Variants in ZEB1 observed in about 807,000 individuals in gnomAD.
ZEB1 encodes zinc finger E-box binding homeobox 1.
In ZEB1, 21 loss-of-function variants were observed where a neutral mutation model predicts 84.9. The observed-to-expected ratio is 0.25, with a 90% confidence interval of 0.18 to 0.36. The LOEUF (loss-of-function observed/expected upper bound fraction) is 0.36. Ranked by LOEUF, ZEB1 falls within the 10% of genes least tolerant of loss-of-function variation. The pLI, the probability that ZEB1 is intolerant of heterozygous loss-of-function variation, is 1.00. For synonymous variants in ZEB1, 420 were observed against 471.1 expected (o/e 0.89, Z 1.41); for missense variants, 1,104 against 1,330.2 (o/e 0.83, Z 2.65).
At chr10:31,524,297 C>T (rs1183269455) in intron 8 of ZEB1, among the ~76,000 whole-genome samples, 184 bp downstream of exon 8, 1 of 151,904 alleles carries the variant, frequency 6.6e-6, no homozygotes, top group Non-Finnish European at 1.5e-5. Flanking sequence ...CGGCTCACTG[C>T]AACCTCCGCC....
chr10:31,462,244 A>G (rs1281852528), intron 2 of ZEB1, among the ~76,000 whole-genome samples: 1 of 152,218 alleles, frequency 6.6e-6, no homozygotes, highest in Non-Finnish European at 1.5e-5. Flanking sequence ...ACAATATGAC[A>G]AATCTAATGG....
intron 1 of ZEB1, among the ~76,000 whole-genome samples, chr10:31,449,113 T>G (rs556570277): frequency 6.6e-6 from 1 of 152,360 alleles, no homozygotes; most frequent in Non-Finnish European, 1.5e-5. Context: ...TATAGTCTCA[T>G]GGTGCGCCAT....
chr10:31,465,134 T>G (rs73262027), intron 2 of ZEB1, among the ~76,000 whole-genome samples: 2,356 of 152,212 alleles, frequency 0.015, 56 homozygotes, highest in African/African-American at 0.053. Flanking sequence ...AAAAAAGAAA[T>G]AAATTCAGAA....
At chr10:31,428,392 G>A (rs907342323) in intron 1 of ZEB1, among the ~76,000 whole-genome samples, 1 of 152,150 alleles carries the variant, frequency 6.6e-6, no homozygotes, top group Admixed American at 6.5e-5. Context: ...TCTTAGTCTT[G>A]ATTTTGAATT....
At chr10:31,387,640 A>T in intron 1 of ZEB1, 1 of 596,540 alleles carries the variant, frequency 1.7e-6, no homozygotes, top group South Asian at 7.4e-5. Flanking sequence ...CTAGTGACAT[A>T]ATAGCTTCAG....
At chr10:31,366,186 T>C (rs1022695292) in intron 1 of ZEB1, among the ~76,000 whole-genome samples, 1 of 152,144 alleles carries the variant, frequency 6.6e-6, no homozygotes, top group Non-Finnish European at 1.5e-5. Context: ...TTTTTATAGC[T>C]CTCACTGTCT....
chr10:31,413,585 CA>C (rs1376251025), intron 1 of ZEB1, among the ~76,000 whole-genome samples: 1 of 151,590 alleles, frequency 6.6e-6, no homozygotes, highest in Non-Finnish European at 1.5e-5. Context: ...ATGAGACAAA[CA>C]GATATGAAAG....
At chr10:31,326,309 T>C (rs531460606) in intron 1 of ZEB1, among the ~76,000 whole-genome samples, 1 of 152,294 alleles carries the variant, frequency 6.6e-6, no homozygotes, top group South Asian at 2.1e-4. Context: ...AAAATCACTG[T>C]ATCTCTTTAA....
intron 6 of ZEB1, among the ~76,000 whole-genome samples, chr10:31,519,391 C>G (rs1009060832): frequency 6.6e-6 from 1 of 152,142 alleles, no homozygotes; most frequent in African/African-American, 2.4e-5. Context: ...CCTCTGCAAG[C>G]CAAAGGCTAC....
intron 8 of ZEB1, among the ~76,000 whole-genome samples, chr10:31,526,108 G>A (rs1055330916): frequency 5.9e-5 from 9 of 152,130 alleles, no homozygotes; most frequent in Non-Finnish European, 1.3e-4. Context: ...GCCAAAACTT[G>A]TTTCTTAGGG....
At chr10:31,346,190 T>C (rs992586208) in intron 1 of ZEB1, among the ~76,000 whole-genome samples, 1 of 152,196 alleles carries the variant, frequency 6.6e-6, no homozygotes, top group African/African-American at 2.4e-5. Flanking sequence ...ATCTGCTTTG[T>C]TTCAGAAGAA....
chr10:31,325,574 A>G (rs1020929045), intron 1 of ZEB1, among the ~76,000 whole-genome samples: 1 of 152,060 alleles, frequency 6.6e-6, no homozygotes, highest in African/African-American at 2.4e-5. Context: ...GAAAACCTTC[A>G]TCTCTTTTGC....
rs1165010861 is a variant in ZEB1 at position 31,321,723 on chromosome 10, GATATGA to G, written c.58+2436_58+2441del. The G allele has an allele frequency of 3.9e-6, 3 of 759,988 alleles. No homozygotes were observed. The East Asian group carries it at 7.9e-5, about 20-fold the overall frequency. 47.1% of individuals were successfully genotyped at this position (759,988 alleles called of 1,614,324 possible). A position where few individuals can be genotyped will look rare whatever the true frequency, so the allele number is the denominator to read the frequency against. On this transcript the variant is annotated intron_variant, in intron 1 of 8. Transcript: ENST00000424869. ...TGGATTTTTCTCCTTGAGATCCTGT[GATATGA>G]ATATTACACTCGTAAGGCATATCAA... is the stretch of plus-strand genomic sequence containing the variant.
chr10:31,346,840 C>T (rs1228623603), intron 1 of ZEB1, among the ~76,000 whole-genome samples: 7 of 152,078 alleles, frequency 4.6e-5, no homozygotes, highest in African/African-American at 1.7e-4. Flanking sequence ...CAGTTATCGT[C>T]TTCAGACTGT....
At chr10:31,378,185 G>A (rs908287829) in intron 1 of ZEB1, among the ~76,000 whole-genome samples, 1 of 151,544 alleles carries the variant, frequency 6.6e-6, no homozygotes, top group Non-Finnish European at 1.5e-5. Flanking sequence ...AAAGGCGGGA[G>A]AGTATTTGTG....
At chr10:31,339,222 C>T (rs1473043850) in intron 1 of ZEB1, among the ~76,000 whole-genome samples, 1 of 152,182 alleles carries the variant, frequency 6.6e-6, no homozygotes, top group African/African-American at 2.4e-5. Context: ...TTCAGCTTCT[C>T]TTTGTGCTTT....
At chr10:31,458,337 TGTG>T (rs758700743) in intron 1 of ZEB1, among the ~76,000 whole-genome samples, 884 of 77,848 alleles carry the variant, frequency 0.011, 1 homozygote, top group African/African-American at 0.039. Context: ...GTGTGTGTGT[TGTG>T]TGTGTGTGTG....
intron 2 of ZEB1, among the ~76,000 whole-genome samples, chr10:31,475,965 A>G (rs1198314030): frequency 6.6e-6 from 1 of 152,138 alleles, no homozygotes; most frequent in African/African-American, 2.4e-5. Flanking sequence ...AAAGGCCTAA[A>G]TATTCCATTT....
intron 2 of ZEB1, among the ~76,000 whole-genome samples, chr10:31,484,644 G>A (rs932656606): frequency 2.0e-5 from 3 of 151,762 alleles, no homozygotes; most frequent in Admixed American, 6.6e-5. Context: ...AACTGATTAG[G>A]GTCAAAATGT....
Sources: gnomAD v4.1 joint callset for allele counts (sites outside exome capture counted in the v4.1 genomes callset) on GRCh38, gnomAD v4.1.1 for gene constraint, MANE v1.5 for transcripts, NCBI Gene and HGNC (gene_info 2026-07-23, HGNC 2026-07-21) for gene names.